TBC1D1: variants seen among roughly 807,000 people sequenced by gnomAD.
The protein encoded by TBC1D1 is TBC1 (tre-2/USP6, BUB2, cdc16) domain family, member 1.
TBC1D1 carries 89 observed loss-of-function variants against 125.6 expected under a neutral mutation model. The observed-to-expected ratio is 0.71, with a 90% CI of 0.60 to 0.85. The LOEUF (loss-of-function observed/expected upper bound fraction) is 0.85, where lower values mean the gene tolerates loss of function less well. Ranked by LOEUF, TBC1D1 falls within the 40% of genes least tolerant of loss-of-function variation. The probability of loss-of-function intolerance (pLI) is 0.00; values close to 1 mark genes in which losing one functional copy is unlikely to be tolerated. For synonymous variants in TBC1D1, 565 were observed against 564.1 expected, an observed-to-expected ratio of 1.00 and a Z score of -0.02; for missense variants, 1,377 against 1,469.2, an observed-to-expected ratio of 0.94 and a Z score of 1.03.
intron 18 of TBC1D1, among the ~76,000 whole-genome samples, chr4:38,127,804 T>C (rs530321154): frequency 6.6e-6 from 1 of 152,284 alleles, no homozygotes; most frequent in Non-Finnish European, 1.5e-5. Context: ...GAGCCAGGGC[T>C]GTGAGGTTGG....
At chr4:38,053,416 GT>G (rs1436791925) in intron 11 of TBC1D1, among the ~76,000 whole-genome samples, 191 bp downstream of exon 13, 2 of 152,152 alleles carry the variant, frequency 1.3e-5, no homozygotes, top group Non-Finnish European at 2.9e-5. Context: ...CTGTTCTCTA[GT>G]TTTGACGAGG....
intron 2 of TBC1D1, among the ~76,000 whole-genome samples, chr4:37,940,449 T>C (rs1379534109): frequency 6.6e-6 from 1 of 152,210 alleles, no homozygotes; most frequent in Non-Finnish European, 1.5e-5. Context: ...TATCTAGATA[T>C]ACAATCATGT....
At chr4:38,060,358 C>G (rs569885225) in intron 12 of TBC1D1, among the ~76,000 whole-genome samples, 1 of 152,348 alleles carries the variant, frequency 6.6e-6, no homozygotes, top group South Asian at 2.1e-4. Flanking sequence ...TAAAAGCATT[C>G]TTACTTCTCC....
At chr4:37,985,254 A>G (rs1217316636) in intron 2 of TBC1D1, among the ~76,000 whole-genome samples, 1 of 152,134 alleles carries the variant, frequency 6.6e-6, no homozygotes, top group East Asian at 1.9e-4. Flanking sequence ...CGCCCAGCCT[A>G]TATTTATGAT....
At chr4:37,928,626 T>C (rs1722629966) in intron 2 of TBC1D1, among the ~76,000 whole-genome samples, 2 of 152,246 alleles carry the variant, frequency 1.3e-5, no homozygotes. Flanking sequence ...TTTGAAAATC[T>C]GGACCTTGAT....
chr4:37,898,406 C>A (rs1430376862), intron 1 of TBC1D1, among the ~76,000 whole-genome samples: 1 of 152,176 alleles, frequency 6.6e-6, no homozygotes, highest in Non-Finnish European at 1.5e-5. Context: ...TGGGTCCTTC[C>A]TGTTTCTACA....
intron 2 of TBC1D1, among the ~76,000 whole-genome samples, chr4:37,932,549 AT>A (rs1468578616): frequency 6.6e-6 from 1 of 152,192 alleles, no homozygotes; most frequent in Non-Finnish European, 1.5e-5. Context: ...GAGAGATATG[AT>A]TTGATATTTT....
intron 14 of TBC1D1, among the ~76,000 whole-genome samples, chr4:38,100,429 C>T (rs917654497): frequency 6.6e-6 from 1 of 152,216 alleles, no homozygotes; most frequent in Non-Finnish European, 1.5e-5. Flanking sequence ...CCCTTCTCAT[C>T]TCCTCCTCTG....
intron 2 of TBC1D1, among the ~76,000 whole-genome samples, chr4:37,958,126 A>T (rs1431651957): frequency 6.6e-6 from 1 of 152,230 alleles, no homozygotes; most frequent in Non-Finnish European, 1.5e-5. Flanking sequence ...TATGGCGACC[A>T]AGTTTACTTT....
Position 38,058,122 on chromosome 4 carries a change from G to A in TBC1D1, c.2050+3784G>A, listed in dbSNP as rs186245488. Among the ~76,000 whole-genome samples, 199 of 152,210 alleles carry A rather than the reference G, an allele frequency of 1.3e-3. 1 individual carries two copies. Among genetic ancestry groups the A allele is most frequent in the East Asian group, 2.5e-3 (13 of 5,186 alleles). The stretch of plus-strand genomic sequence containing the variant: ...TACTTGCCTTCAGTCAATCTCCTCC[G>A]CCCCCTTCCATCCTGACCGCCTCCC... On this transcript the variant is annotated intron_variant, in intron 12 of 19. Transcript: ENST00000261439.
intron 2 of TBC1D1, among the ~76,000 whole-genome samples, chr4:38,008,239 T>A (rs1309550723): frequency 6.6e-6 from 1 of 152,232 alleles, no homozygotes; most frequent in Non-Finnish European, 1.5e-5. Flanking sequence ...ACGAAATAAT[T>A]TCGTATCCTT....
intron 2 of TBC1D1, chr4:37,952,367 C>T (rs371898031): frequency 1.5e-5 from 6 of 399,570 alleles, no homozygotes; most frequent in South Asian, 1.2e-4. Flanking sequence ...ATCTCCATCT[C>T]TCAGTCAATC....
At chr4:38,128,391 G>T (rs755650675) in intron 18 of TBC1D1, among the ~76,000 whole-genome samples, 9 of 152,142 alleles carry the variant, frequency 5.9e-5, no homozygotes, top group Non-Finnish European at 1.2e-4. Flanking sequence ...CAGACATGGG[G>T]TCCAGCATGA....
rs1382383113 is a variant in TBC1D1 at position 38,018,402 on chromosome 4, G to A, written c.931G>A (p.Ala311Thr). ...CATCAGTCCTGACACCAAAAAAATA[G>A]CATTGGAGAAAAATTTTAAGGAGAT... The change falls in exon 4 of 20, where the codon GCA becomes ACA. Residue 311 changes from alanine (A) to threonine (T), a missense_variant. Physicochemically the swap from Ala to Thr is moderately conservative, Grantham distance 58. Coordinates refer to ENST00000261439, the MANE Select transcript of TBC1D1 (RefSeq NM_015173.4). 2 of 1,612,386 alleles carry A rather than the reference G, an allele frequency of 1.2e-6. No individual in the cohort carries two copies. The highest frequency in any genetic ancestry group is 2.2e-5 in the South Asian group (2 of 90,680).
intron 16 of TBC1D1, 88 bp from the exon 19 acceptor site, chr4:38,117,945 C>A: frequency 8.2e-7 from 1 of 1,226,980 alleles, no homozygotes; most frequent in Non-Finnish European, 1.2e-6. Flanking sequence ...AGTAAGTCTT[C>A]TCTTACACCC....
intron 2 of TBC1D1, among the ~76,000 whole-genome samples, chr4:37,933,433 T>TACACACAC (rs3038289): frequency 1.4e-5 from 2 of 147,262 alleles, no homozygotes; most frequent in African/African-American, 2.5e-5. Flanking sequence ...ACATATGTTT[T>TACACACAC]ACACACACAC....
intron 12 of TBC1D1, among the ~76,000 whole-genome samples, chr4:38,079,688 A>G (rs1457443608): frequency 1.3e-5 from 2 of 151,942 alleles, no homozygotes; most frequent in Non-Finnish European, 2.9e-5. Context: ...AGATTGTGCC[A>G]TTGCAGTCCA....
At chr4:38,112,739 G>A (rs1762392650) in intron 15 of TBC1D1, among the ~76,000 whole-genome samples, 1 of 152,220 alleles carries the variant, frequency 6.6e-6, no homozygotes, top group African/African-American at 2.4e-5. Context: ...AAGGGCTGTG[G>A]TTGATTAGAA....
intron 12 of TBC1D1, among the ~76,000 whole-genome samples, chr4:38,072,220 TA>T (rs1754825116): frequency 6.6e-6 from 1 of 152,242 alleles, no homozygotes; most frequent in Non-Finnish European, 1.5e-5. Context: ...CACACGTCTG[TA>T]TGACAGAGAG....
Sources: gnomAD v4.1 joint callset for allele counts (sites outside exome capture counted in the v4.1 genomes callset) on GRCh38, gnomAD v4.1.1 for gene constraint, MANE v1.5 for transcripts, NCBI Gene and HGNC (gene_info 2026-07-23, HGNC 2026-07-21) for gene names.